The following SHANK2 variants were observed in gnomAD, a reference collection of about 807,000 sequenced individuals.
SHANK2 encodes SH3 and multiple ankyrin repeat domains protein 2.
In SHANK2, 43 loss-of-function variants were observed where a neutral mutation model predicts 133.7. The observed-to-expected ratio is 0.32, with a 90% CI of 0.25 to 0.41. SHANK2 has a LOEUF of 0.41. SHANK2 is among the 10% of genes least tolerant of loss of function. SHANK2 has a pLI of 1.00. For missense variants in SHANK2, 1,994 were observed against 2,235.8 expected, an observed-to-expected ratio of 0.89 and a Z score of 2.18; for synonymous variants, 1,017 against 952.8, an observed-to-expected ratio of 1.07 and a Z score of -1.24.
At chr11:71,181,963 C>T (rs782281869) in intron 2 of SHANK2, among the ~76,000 whole-genome samples, 3 of 152,164 alleles carry the variant, frequency 2.0e-5, no homozygotes, top group Non-Finnish European at 2.9e-5. Context: ...CCAACCTTGC[C>T]GGAGGGGCAG....
chr11:71,120,509 A>C (rs1487849389), intron 3 of SHANK2, among the ~76,000 whole-genome samples: 1 of 150,816 alleles, frequency 6.6e-6, no homozygotes, highest in African/African-American at 2.5e-5. Flanking sequence ...GACGGCCAAC[A>C]GGAGGTCGGG....
intron 15 of SHANK2, among the ~76,000 whole-genome samples, chr11:70,669,923 C>T (rs1472633804): frequency 8.5e-5 from 13 of 152,278 alleles, no homozygotes; most frequent in Admixed American, 7.2e-4. Flanking sequence ...AGTTCAAAGG[C>T]GGAATGATTA....
At chr11:70,930,965 C>T (rs1329940140) in intron 10 of SHANK2, among the ~76,000 whole-genome samples, 2 of 152,032 alleles carry the variant, frequency 1.3e-5, no homozygotes, top group Admixed American at 6.6e-5. Flanking sequence ...CCATGCCCAC[C>T]CACAAATGCA....
chr11:70,806,210 C>G (rs552757032), intron 13 of SHANK2, among the ~76,000 whole-genome samples: 2 of 152,180 alleles, frequency 1.3e-5, no homozygotes, highest in Non-Finnish European at 2.9e-5. Flanking sequence ...CCTCCAATGG[C>G]AGGGCCCGGC....
intron 3 of SHANK2, among the ~76,000 whole-genome samples, chr11:71,137,945 C>T (rs1264952237): frequency 1.3e-5 from 2 of 152,112 alleles, no homozygotes; most frequent in African/African-American, 4.8e-5. Flanking sequence ...CTGCACCAGC[C>T]GCCCAGAGCC....
intron 10 of SHANK2, among the ~76,000 whole-genome samples, chr11:70,942,149 T>C (rs1950657113): frequency 6.6e-6 from 1 of 151,992 alleles, no homozygotes; most frequent in Non-Finnish European, 1.5e-5. Context: ...ATCACACCAC[T>C]GCACTTCAGC....
intron 10 of SHANK2, among the ~76,000 whole-genome samples, chr11:70,898,012 G>C (rs941637234): frequency 1.3e-5 from 2 of 148,148 alleles, no homozygotes; most frequent in African/African-American, 5.0e-5. Flanking sequence ...ATCCAGGCTG[G>C]AGTGCAGTGA....
chr11:70,554,901 A>ATTTTT (rs11435528), intron 17 of SHANK2, among the ~76,000 whole-genome samples: 2,239 of 134,118 alleles, frequency 0.017, 61 homozygotes, highest in African/African-American at 0.049. Flanking sequence ...CGAACATTGC[A>ATTTTT]TTTTTTTTTT....
chr11:71,148,593 C>T (rs1952701322), intron 2 of SHANK2, among the ~76,000 whole-genome samples: 1 of 152,122 alleles, frequency 6.6e-6, no homozygotes, highest in African/African-American at 2.4e-5. Context: ...TGGGGAAGGA[C>T]GAGGCCACGT....
intron 11 of SHANK2, among the ~76,000 whole-genome samples, chr11:70,881,556 ATAATATTAATAATAATAT>A (rs1276416973): frequency 0.035 from 558 of 16,078 alleles, 4 homozygotes; most frequent in Middle Eastern, 0.5. Flanking sequence ...CTCAATAATA[ATAATATTAATAATAATAT>A]TAATAATAAT....
At chr11:71,063,391 A>G (rs1055738367) in intron 9 of SHANK2, among the ~76,000 whole-genome samples, 2 of 152,244 alleles carry the variant, frequency 1.3e-5, no homozygotes, top group African/African-American at 2.4e-5. Context: ...AATAACAATG[A>G]TACCTCCATG....
intron 2 of SHANK2, among the ~76,000 whole-genome samples, chr11:71,207,178 C>CTTTTTTT (rs56946028): frequency 8.6e-6 from 1 of 115,870 alleles, no homozygotes; most frequent in Non-Finnish European, 1.7e-5. Flanking sequence ...TTTAAAATTC[C>CTTTTTTT]TTTTTTTTTT....
chr11:70,564,542 G>A (rs782087143), intron 17 of SHANK2, among the ~76,000 whole-genome samples: 6 of 152,184 alleles, frequency 3.9e-5, no homozygotes, highest in Non-Finnish European at 8.8e-5. Context: ...TTACAGGCAT[G>A]AGCCACCGCA....
chr11:70,754,922 G>C (rs554679301), intron 14 of SHANK2, among the ~76,000 whole-genome samples: 1 of 152,114 alleles, frequency 6.6e-6, no homozygotes, highest in Non-Finnish European at 1.5e-5. Flanking sequence ...CGATTACAGG[G>C]AGGCACCTGG....
chr11:70,720,043 T>A (rs1946041389), intron 14 of SHANK2, among the ~76,000 whole-genome samples: 1 of 152,074 alleles, frequency 6.6e-6, no homozygotes, highest in Non-Finnish European at 1.5e-5. Flanking sequence ...AGCTTCTGCA[T>A]CAAGAATAAG....
At chr11:71,195,265 G>A (rs975698804) in intron 2 of SHANK2, among the ~76,000 whole-genome samples, 19 of 152,070 alleles carry the variant, frequency 1.2e-4, no homozygotes, top group African/African-American at 4.3e-4. Context: ...GGTGGCGGGC[G>A]CCTGTAGTCC....
At chr11:70,708,519 C>T (rs1945713386) in intron 14 of SHANK2, among the ~76,000 whole-genome samples, 1 of 152,180 alleles carries the variant, frequency 6.6e-6, no homozygotes. Context: ...TACTTTTTGT[C>T]AAAGGGCAGT....
At chr11:70,529,249 A>C (rs1470672873) in intron 17 of SHANK2, among the ~76,000 whole-genome samples, 1 of 152,330 alleles carries the variant, frequency 6.6e-6, no homozygotes, top group African/African-American at 2.4e-5. Context: ...CCACTGCAGA[A>C]TCTCACCCAG....
Position 70,807,150 on chromosome 11 carries a change from G to A in SHANK2, c.1515C>T (p.Ala505=). 2.8e-6 allele frequency: 2 copies of A among 717,754 alleles called. No homozygotes were observed. The highest frequency in any genetic ancestry group is 5.2e-6 in the Non-Finnish European group (2 of 384,934). 44.5% of individuals were successfully genotyped at this position (717,754 alleles called of 1,614,324 possible). Residue 505 remains alanine, a synonymous_variant, in exon 13 of 26, where the codon GCC becomes GCT. Transcript: ENST00000601538. This position sits in a 1 kb window ranked among gnomAD's most constrained non-coding sequence, Gnocchi z 4.8. ...CGAAGGCCGAGAGTGAGTCCTTGTT[G>A]GCACCAAGAGCAAAAGGCGACCTGG... The part of the protein sequence containing the change: ...WHVGSPFALG[A]NKDSLSAFEY...
Sources: allele counts gnomAD v4.1 joint callset (sites outside exome capture counted in the v4.1 genomes callset), GRCh38; gene constraint gnomAD v4.1.1; non-coding constraint Gnocchi (gnomAD v3.1); transcripts MANE v1.5; gene names NCBI Gene and HGNC (gene_info 2026-07-23, HGNC 2026-07-21).